The following UBE3C variants were observed in gnomAD, a reference collection of about 807,000 sequenced individuals.
UBE3C encodes the protein ubiquitin protein ligase E3C, also known as ubiquitin-protein ligase E3C.
In UBE3C, 42 loss-of-function variants were observed where a neutral mutation model predicts 129.4. The observed-to-expected ratio is 0.32, with a 90% confidence interval of 0.25 to 0.42. The LOEUF is 0.42. Among genes scored for constraint, UBE3C ranks in the 10% least tolerant of loss-of-function variants. UBE3C has a pLI of 1.00. For synonymous variants in UBE3C, 510 were observed against 492.4 expected (o/e 1.04, Z -0.47); for missense variants, 1,049 against 1,319.1 (o/e 0.80, Z 3.17).
chr7:157,152,920 G>A (rs2116820959), intron 1 of UBE3C, among the ~76,000 whole-genome samples: 1 of 152,240 alleles, frequency 6.6e-6, no homozygotes, highest in South Asian at 2.1e-4. Context: ...TTTTTGCCAG[G>A]TGTGGTGATG....
At chr7:157,177,410 C>G (rs1194408430) in intron 5 of UBE3C, among the ~76,000 whole-genome samples, 1 of 152,210 alleles carries the variant, frequency 6.6e-6, no homozygotes, top group Non-Finnish European at 1.5e-5. Context: ...GGAGCTACAT[C>G]CTATGTTGTC....
chr7:157,231,383 T>C, intron 18 of UBE3C, 56 bp downstream of exon 18: 3 of 1,584,552 alleles, frequency 1.9e-6, no homozygotes, highest in Non-Finnish European at 2.6e-6. Context: ...TGACATTTTA[T>C]GTTTATGTGT....
chr7:157,142,237 T>C (rs988238655), intron 1 of UBE3C, among the ~76,000 whole-genome samples: 1 of 152,244 alleles, frequency 6.6e-6, no homozygotes, highest in Non-Finnish European at 1.5e-5. Context: ...TTCTCATGTC[T>C]TAAATTATTA....
intron 1 of UBE3C, among the ~76,000 whole-genome samples, chr7:157,145,359 A>G (rs1807575831): frequency 6.6e-6 from 1 of 152,024 alleles, no homozygotes; most frequent in Non-Finnish European, 1.5e-5. Flanking sequence ...CTCTACTAAA[A>G]ATACAAAAAT....
chr7:157,238,775 A>G (rs1796218991), intron 18 of UBE3C, among the ~76,000 whole-genome samples: 1 of 152,158 alleles, frequency 6.6e-6, no homozygotes, highest in Non-Finnish European at 1.5e-5. Flanking sequence ...TGAAGAACTG[A>G]GCCCCAGGGC....
intron 18 of UBE3C, among the ~76,000 whole-genome samples, chr7:157,238,572 G>A (rs1365721626): frequency 6.6e-6 from 1 of 152,164 alleles, no homozygotes; most frequent in Admixed American, 6.5e-5. Context: ...TGACTAAGCT[G>A]GGAAAGGTGC....
chr7:157,152,269 G>A (rs1009162764), intron 1 of UBE3C, among the ~76,000 whole-genome samples: 5 of 152,144 alleles, frequency 3.3e-5, no homozygotes, highest in African/African-American at 1.2e-4. Context: ...GAGCTGGGGA[G>A]CATTGTAGGC....
At chr7:157,231,608 A>C (rs1205928801) in intron 18 of UBE3C, 1 of 387,084 alleles carries the variant, frequency 2.6e-6, no homozygotes, top group Admixed American at 4.0e-5. Context: ...CTCGGCCGTC[A>C]TGAATGGATG....
intron 1 of UBE3C, among the ~76,000 whole-genome samples, chr7:157,148,786 T>C (rs1313252354): frequency 6.7e-6 from 1 of 150,156 alleles, no homozygotes; most frequent in Non-Finnish European, 1.5e-5. Flanking sequence ...TCGCCCAGGC[T>C]GGAGTGCAGT....
At chr7:157,249,914 C>T (rs1040641606) in intron 19 of UBE3C, among the ~76,000 whole-genome samples, 9 of 152,234 alleles carry the variant, frequency 5.9e-5, no homozygotes, top group Non-Finnish European at 1.3e-4. Flanking sequence ...TTCTGAGTGC[C>T]AACATGAAGC....
rs374471671 is a variant in UBE3C, at chr7:157,158,529, T to A, written c.67-5281T>A. Among the ~76,000 whole-genome samples the A allele has an allele frequency of 9.8e-5, 15 of 152,308 alleles. No individual in the cohort carries two copies. In the South Asian group the frequency reaches 2.7e-3, roughly 27 times the overall value. On this transcript the variant is annotated intron_variant, in intron 1 of 22. Coordinates refer to ENST00000348165, the MANE Select transcript of UBE3C (RefSeq NM_014671.3). ...TGGGAAGCTGCTGCCAAAGCTGTGA[T>A]TAAAAGTGATGATTAGTCACAAAGC... is the stretch of plus-strand genomic sequence containing the variant.
At position 157,157,456 on chromosome 7, in the gene UBE3C, C is replaced by T. The variant is rs1440906086; in HGVS notation, c.67-6354C>T. On this transcript the variant is annotated intron_variant, in intron 1 of 22. Transcript: ENST00000348165. ...AACTGTGGAAACATAAAAAGTTAGA[C>T]GCTGCACTGTGCAGGTGAAGACAAG... is the stretch of plus-strand genomic sequence containing the variant. Among the ~76,000 whole-genome samples the T allele has an allele frequency of 3.3e-5, 5 of 152,088 alleles. No individual in the cohort carries two copies. In the East Asian group the frequency reaches 5.8e-4, roughly 18 times the overall value.
chr7:157,139,368 G>T (rs781083206), intron 1 of UBE3C, 30 bp downstream of exon 1: 7 of 1,545,758 alleles, frequency 4.5e-6, no homozygotes, highest in Non-Finnish European at 4.3e-6. Context: ...GGCGCCCTCG[G>T]CTCGGGGCCT....
rs1796682962 is a variant in UBE3C at position 157,254,019 on chromosome 7, C to T, written c.2760C>T (p.Ile920=). 6.2e-7 allele frequency: 1 copy of T among 1,613,304 alleles called. No individual in the cohort carries two copies. Among genetic ancestry groups the T allele is most frequent in the African/African-American group, 1.3e-5 (1 of 75,014 alleles). ...PVTSANRIAY[I]HLVADYRLNR... ...CCAGCGCCAACCGGATTGCGTACAT[C>T]CACTTGGTGGCAGACTACAGGCTGA... Residue 920 remains isoleucine, a synonymous_variant, in exon 20 of 23, where the codon ATC becomes ATT. Transcript: ENST00000348165.
chr7:157,258,275 C>A (rs75656679), intron 22 of UBE3C, among the ~76,000 whole-genome samples: 1,716 of 152,174 alleles, frequency 0.011, 35 homozygotes, highest in African/African-American at 0.039. Context: ...AAATAACCTT[C>A]AATCAGAAAG....
intron 6 of UBE3C, among the ~76,000 whole-genome samples, chr7:157,181,066 A>G (rs779140298): frequency 8.5e-5 from 13 of 152,180 alleles, no homozygotes; most frequent in Non-Finnish European, 1.8e-4. Flanking sequence ...ATCAGAGACA[A>G]ATTATAAGAT....
chr7:157,148,195 A>C (rs939792604), intron 1 of UBE3C, among the ~76,000 whole-genome samples: 1 of 152,042 alleles, frequency 6.6e-6, no homozygotes, highest in Admixed American at 6.6e-5. Context: ...CCATCTCCCG[A>C]ATTCAAGTGA....
rs556163969 is a variant in UBE3C, at chr7:157,139,390, G to A, written c.66+52G>A. 3.2e-4 allele frequency: 486 copies of A among 1,502,000 alleles called. 3 individuals are homozygous for A. In the East Asian group the frequency reaches 7.3e-3, roughly 23 times the overall value. The allele number at this position is 1,502,000 out of a possible 1,614,324, so 93.0% of individuals were successfully genotyped here. On this transcript the variant is annotated intron_variant, in intron 1 of 22. Transcript: ENST00000348165. The stretch of plus-strand genomic sequence containing the variant: ...TCGGCTCGGGGCCTGCGCGGCCGGG[G>A]CTCGGGGCTGGGACTCGGGGCTGGA...
At chr7:157,170,180 G>A (rs6956046) in intron 3 of UBE3C, 124 bp from the exon 4 acceptor site, 277,076 of 698,564 alleles carry the variant, frequency 0.4, 59,327 homozygotes, top group African/African-American at 0.77. Flanking sequence ...AGCAAGGACC[G>A]ATAATGGTGT....
Sources: allele counts gnomAD v4.1 joint callset (sites outside exome capture counted in the v4.1 genomes callset), GRCh38; gene constraint gnomAD v4.1.1; transcripts MANE v1.5; gene names NCBI Gene and HGNC (gene_info 2026-07-23, HGNC 2026-07-21).